KIRREL3: variants seen among roughly 807,000 people sequenced by gnomAD.
KIRREL3 encodes the protein kirre like nephrin family adhesion molecule 3, also known as kin of IRRE-like protein 3.
A neutral mutation model predicts 89.7 loss-of-function variants in KIRREL3; 36 were observed. That is an observed-to-expected ratio of 0.40 (90% confidence interval 0.31 to 0.53). KIRREL3 has a LOEUF of 0.53. Among genes scored for constraint, KIRREL3 ranks in the 20% least tolerant of loss-of-function variants. KIRREL3 has a pLI of 0.49. For missense variants in KIRREL3, 864 were observed against 1,056.6 expected (o/e 0.82, Z 2.53); for synonymous variants, 445 against 441.4 (o/e 1.01, Z -0.10).
rs1237999923 is a variant in KIRREL3, at chr11:126,710,702, A to G, written c.56-147790T>C. ...GAAGGAAAGCAAATCAGCCTCACTTATAATTAAGTGTCTCAAATAAAGTTT... is the reference window on the plus strand; with the variant it reads ...GAAGGAAAGCAAATCAGCCTCACTTGTAATTAAGTGTCTCAAATAAAGTTT... On this transcript the variant is annotated intron_variant, in intron 1 of 16. Coordinates refer to ENST00000525144, the MANE Select transcript of KIRREL3 (RefSeq NM_032531.4). This position sits in a 1 kb window ranked among gnomAD's most constrained non-coding sequence, Gnocchi z 4.2. Among the ~76,000 whole-genome samples the G allele has an allele frequency of 6.6e-6, 1 of 152,108 alleles. No homozygotes were observed. The highest frequency in any genetic ancestry group is 2.4e-5 in the African/African-American group (1 of 41,406).
At chr11:126,833,488 C>T (rs1275246264) in intron 1 of KIRREL3, among the ~76,000 whole-genome samples, 1 of 152,238 alleles carries the variant, frequency 6.6e-6, no homozygotes, top group Non-Finnish European at 1.5e-5. Context: ...TTTATCCACT[C>T]ATCTGTGGCT....
At chr11:126,657,473 G>A (rs1945201815) in intron 1 of KIRREL3, among the ~76,000 whole-genome samples, 1 of 152,202 alleles carries the variant, frequency 6.6e-6, no homozygotes, top group Non-Finnish European at 1.5e-5. Context: ...GCAGGGCACA[G>A]GTCTGAGAGG....
At chr11:126,524,136 G>C (rs376428662) in intron 3 of KIRREL3, among the ~76,000 whole-genome samples, 1 of 152,234 alleles carries the variant, frequency 6.6e-6, no homozygotes, top group East Asian at 1.9e-4. Context: ...TAGCTCTGCT[G>C]TCTTGGGTGA....
rs900796713 is a variant in KIRREL3 at position 126,645,828 on chromosome 11, C to G, written c.56-82916G>C. On this transcript the variant is annotated intron_variant, in intron 1 of 16. Coordinates refer to ENST00000525144, the MANE Select transcript of KIRREL3 (RefSeq NM_032531.4). The surrounding 1 kb of genome is among the most constrained non-coding windows in gnomAD (Gnocchi z 4.9). ...CTTCCTCACACACCTTATTTTATTT[C>G]CTTTCCTTCCTTCCATGCTAAAGAG... is the stretch of plus-strand genomic sequence containing the variant. Among the ~76,000 whole-genome samples the G allele has an allele frequency of 3.3e-5, 5 of 152,010 alleles. No individual in the cohort carries two copies. Among genetic ancestry groups the G allele is most frequent in the African/African-American group, 1.2e-4 (5 of 41,368 alleles).
chr11:126,862,503 G>A (rs1944736874), intron 1 of KIRREL3, among the ~76,000 whole-genome samples: 1 of 152,192 alleles, frequency 6.6e-6, no homozygotes, highest in South Asian at 2.1e-4. Context: ...CAGATACCAG[G>A]TGTGCTAGTT....
rs1440262471 is a variant in KIRREL3 at position 126,943,545 on chromosome 11, A to G, written c.55+56910T>C. ...CATGGGTGAAGGATGAGCCCAGGACAAGATTAAATCAGCAGACTGAACGAT... is the reference window on the plus strand; with the variant it reads ...CATGGGTGAAGGATGAGCCCAGGACGAGATTAAATCAGCAGACTGAACGAT... On this transcript the variant is annotated intron_variant, in intron 1 of 16. Coordinates refer to ENST00000525144, the MANE Select transcript of KIRREL3 (RefSeq NM_032531.4). The surrounding 1 kb of genome is among the most constrained non-coding windows in gnomAD (Gnocchi z 4.2). 6.6e-6 allele frequency among the ~76,000 whole-genome samples: 1 copy of G among 152,232 alleles called. No individual in the cohort carries two copies. Among genetic ancestry groups the G allele is most frequent in the Non-Finnish European group, 1.5e-5 (1 of 68,036 alleles).
chr11:126,899,740 T>A (rs1350179718), intron 1 of KIRREL3, among the ~76,000 whole-genome samples: 1 of 152,202 alleles, frequency 6.6e-6, no homozygotes, highest in South Asian at 2.1e-4. Context: ...AGTAGGAAGG[T>A]TGGTTAGCTA....
rs1274951201 is a variant in KIRREL3, at chr11:126,912,331, C to T, written c.55+88124G>A. On this transcript the variant is annotated intron_variant, in intron 1 of 16. Coordinates refer to ENST00000525144, the MANE Select transcript of KIRREL3 (RefSeq NM_032531.4). This position sits in a 1 kb window ranked among gnomAD's most constrained non-coding sequence, Gnocchi z 4.7. The stretch of plus-strand genomic sequence containing the variant: ...TGCCCACATGTGCCCTGGGCTGGTC[C>T]TCCCTCAGCTCCCTCTCCTGTCTTC... Among the ~76,000 whole-genome samples the T allele has an allele frequency of 6.6e-6, 1 of 152,134 alleles. No homozygotes were observed. Among genetic ancestry groups the T allele is most frequent in the Admixed American group, 6.5e-5 (1 of 15,270 alleles).
intron 1 of KIRREL3, among the ~76,000 whole-genome samples, chr11:126,693,538 G>T (rs533380810): frequency 6.6e-6 from 1 of 152,138 alleles, no homozygotes; most frequent in East Asian, 1.9e-4. Flanking sequence ...CCGTAAAAGC[G>T]TGCAAGTCAT....
At position 126,550,135 on chromosome 11, in the gene KIRREL3, A is replaced by G. The variant is rs968705933; in HGVS notation, c.133+12700T>C. On this transcript the variant is annotated intron_variant, in intron 2 of 16. Coordinates refer to ENST00000525144, the MANE Select transcript of KIRREL3 (RefSeq NM_032531.4). This position sits in a 1 kb window ranked among gnomAD's most constrained non-coding sequence, Gnocchi z 4.9. ...TTGGGGGCAGGGACTGTGTTTTTAC[A>G]TGCACAGCGCCAGGCACAGAGCGGG... is the stretch of plus-strand genomic sequence containing the variant. 6.6e-6 allele frequency: 1 copy of G among 152,232 alleles called. No individual in the cohort carries two copies. Among genetic ancestry groups the G allele is most frequent in the Admixed American group, 6.5e-5 (1 of 15,282 alleles). 9.4% of individuals were successfully genotyped at this position (152,232 alleles called of 1,614,324 possible).
intron 2 of KIRREL3, among the ~76,000 whole-genome samples, chr11:126,529,203 CAAG>C (rs574135588): frequency 9.7e-4 from 148 of 152,116 alleles, no homozygotes; most frequent in African/African-American, 3.5e-3. Flanking sequence ...AAGTGGGGTG[CAAG>C]AAGCATCCGA....
rs12271204 is a variant in KIRREL3 at position 126,611,961 on chromosome 11, T to C, written c.56-49049A>G. On this transcript the variant is annotated intron_variant, in intron 1 of 16. Coordinates refer to ENST00000525144, the MANE Select transcript of KIRREL3 (RefSeq NM_032531.4). The surrounding 1 kb of genome is among the most constrained non-coding windows in gnomAD (Gnocchi z 4.7). Reference sequence around the variant, plus strand: ...TCAGTTCCTTCAACATGTGTGCTTGTTGCCCCTTGGAGCCCACCTCCTCAA... The same window carrying C: ...TCAGTTCCTTCAACATGTGTGCTTGCTGCCCCTTGGAGCCCACCTCCTCAA... Among the ~76,000 whole-genome samples the C allele has an allele frequency of 3.3e-3, 506 of 152,308 alleles. 5 individuals carry two copies. Among genetic ancestry groups the C allele is most frequent in the African/African-American group, 0.012 (481 of 41,556 alleles).
chr11:126,446,285 C>CTTTCTTTTCTTTCTCCTTT, intron 9 of KIRREL3, among the ~76,000 whole-genome samples: 1 of 143,402 alleles, frequency 7.0e-6, no homozygotes, highest in South Asian at 2.3e-4. Context: ...TTTTCTTTCT[C>CTTTCTTTTCTTTCTCCTTT]CTTTCTTTCT....
In KIRREL3 at chr11:126,432,349, G is replaced by T. The variant is rs1053597851; in HGVS notation, c.1589-823C>A. On this transcript the variant is annotated intron_variant, in intron 13 of 16. Coordinates refer to ENST00000525144, the MANE Select transcript of KIRREL3 (RefSeq NM_032531.4). This position sits in a 1 kb window ranked among gnomAD's most constrained non-coding sequence, Gnocchi z 6.2. ...GACAGGGAGGGTAAGGATAGAGTCG[G>T]GGGTGATCTTCCACACAGCCTTGGC... Among the ~76,000 whole-genome samples, 5 of 152,188 alleles carry T rather than the reference G, an allele frequency of 3.3e-5. No homozygotes were observed. The highest frequency in any genetic ancestry group is 9.7e-5 in the African/African-American group (4 of 41,448).
Position 126,788,623 on chromosome 11 carries a change from A to T in KIRREL3, c.55+211832T>A, listed in dbSNP as rs1008616823. Among the ~76,000 whole-genome samples, 1 of 152,182 alleles carries T rather than the reference A, an allele frequency of 6.6e-6. No individual in the cohort carries two copies. Among genetic ancestry groups the T allele is most frequent in the South Asian group, 2.1e-4 (1 of 4,830 alleles). On this transcript the variant is annotated intron_variant, in intron 1 of 16. Transcript: ENST00000525144. The surrounding 1 kb of genome is among the most constrained non-coding windows in gnomAD (Gnocchi z 4.1). ...TCTGCCAGGCTGTGCTGCAGTTGCTATGTCTTGGGTTAAAAGTCTGTTTAG... is the reference window on the plus strand; with the variant it reads ...TCTGCCAGGCTGTGCTGCAGTTGCTTTGTCTTGGGTTAAAAGTCTGTTTAG...
intron 1 of KIRREL3, among the ~76,000 whole-genome samples, chr11:126,925,475 C>T (rs1447405172): frequency 1.4e-4 from 21 of 152,122 alleles, no homozygotes; most frequent in Admixed American, 1.2e-3. Context: ...GGGGGATTTA[C>T]GAACTAAATG....
In KIRREL3 at chr11:126,594,893, T is replaced by C. The variant is rs1319075293; in HGVS notation, c.56-31981A>G. ...GTGCTTCTCAGCGTTTTGCCCCAGT[T>C]GGCCTTCCGCCCCTGGGAGGGGGAA... On this transcript the variant is annotated intron_variant, in intron 1 of 16. Coordinates refer to ENST00000525144, the MANE Select transcript of KIRREL3 (RefSeq NM_032531.4). The surrounding 1 kb of genome is among the most constrained non-coding windows in gnomAD (Gnocchi z 5.0). Among the ~76,000 whole-genome samples, 1 of 152,254 alleles carries C rather than the reference T, an allele frequency of 6.6e-6. No homozygotes were observed. Among genetic ancestry groups the C allele is most frequent in the African/African-American group, 2.4e-5 (1 of 41,476 alleles).
chr11:126,600,836 C>G (rs1942620945), intron 1 of KIRREL3, among the ~76,000 whole-genome samples: 1 of 152,128 alleles, frequency 6.6e-6, no homozygotes, highest in South Asian at 2.1e-4. Flanking sequence ...TTAAACTTTC[C>G]TCCTCTGGGA....
chr11:126,875,494 C>T lies in KIRREL3; in HGVS notation c.55+124961G>A, dbSNP rs186623871. Among the ~76,000 whole-genome samples the T allele has an allele frequency of 3.6e-3, 549 of 152,340 alleles. 4 individuals carry two copies. Among genetic ancestry groups the T allele is most frequent in the African/African-American group, 0.012 (488 of 41,578 alleles). ...AATGCAATGCAGCTATCTCTTGTTT[C>T]TCTCTCTGGAGTCGTGGCAATAATT... On this transcript the variant is annotated intron_variant, in intron 1 of 16. Coordinates refer to ENST00000525144, the MANE Select transcript of KIRREL3 (RefSeq NM_032531.4).
Sources: allele counts gnomAD v4.1 joint callset (sites outside exome capture counted in the v4.1 genomes callset), GRCh38; gene constraint gnomAD v4.1.1; non-coding constraint Gnocchi (gnomAD v3.1); transcripts MANE v1.5; gene names NCBI Gene and HGNC (gene_info 2026-07-23, HGNC 2026-07-21).